The following TOX3 variants were observed in gnomAD, a reference collection of about 807,000 sequenced individuals.
TOX3 encodes TOX high mobility group box family member 3, also known as CAG trinucleotide repeat-containing gene F9 protein.
In TOX3, 22 loss-of-function variants were observed where a neutral mutation model predicts 64.3. The ratio of observed to expected loss-of-function variants is 0.34; its 90% CI spans 0.24 to 0.49. The LOEUF is 0.49. Ranked by LOEUF, TOX3 falls within the 20% of genes least tolerant of loss-of-function variation. The pLI, the probability that TOX3 is intolerant of heterozygous loss-of-function variation, is 0.99. For missense variants in TOX3, 661 were observed against 714.4 expected (o/e 0.93, Z 0.85); for synonymous variants, 291 against 273.6 (o/e 1.06, Z -0.63).
chr16:52,489,988 A>T (rs955950256), intron 1 of TOX3, among the ~76,000 whole-genome samples: 8 of 152,132 alleles, frequency 5.3e-5, no homozygotes, highest in African/African-American at 1.9e-4. Flanking sequence ...CTGCACCTGG[A>T]GTTACCCTTT....
In TOX3 at chr16:52,437,673, AAGAATT is replaced by A. The variant is rs2151735087; in HGVS notation, c.*1546_*1551del. ...GGCACCGAAATAATTATTTTGGCTT[AAGAATT>A]AGCATTCACCATCTATTTTAATCGC... On this transcript the variant is annotated 3_prime_UTR_variant, in exon 7 of 7. Transcript: ENST00000219746. 6.6e-6 allele frequency among the ~76,000 whole-genome samples: 1 copy of A among 152,186 alleles called. No homozygotes were observed. The highest frequency in any genetic ancestry group is 2.1e-4 in the South Asian group (1 of 4,826).
At chr16:52,546,527 G>T in intron 1 of TOX3, 110 bp downstream of exon 1, 1 of 955,594 alleles carries the variant, frequency 1.0e-6, no homozygotes, top group East Asian at 3.0e-5. Context: ...AAGAGACATG[G>T]GAGGAAAGAG....
At chr16:52,525,326 G>C (rs1307547496) in intron 1 of TOX3, among the ~76,000 whole-genome samples, 1 of 152,126 alleles carries the variant, frequency 6.6e-6, no homozygotes, top group Non-Finnish European at 1.5e-5. Context: ...AAAGGGAATG[G>C]AAGAAAACCT....
chr16:52,542,819 C>T (rs1228045818), intron 1 of TOX3, among the ~76,000 whole-genome samples: 1 of 152,172 alleles, frequency 6.6e-6, no homozygotes, highest in Admixed American at 6.5e-5. Context: ...TCAATTTGAA[C>T]CATGATCCCC....
chr16:52,515,975 G>GTGTA (rs1338120500), intron 1 of TOX3, among the ~76,000 whole-genome samples: 2 of 151,772 alleles, frequency 1.3e-5, no homozygotes, highest in African/African-American at 4.8e-5. Flanking sequence ...GCTTGTGTGT[G>GTGTA]TGTGTGTGTG....
At chr16:52,444,200 G>T in intron 6 of TOX3, 76 bp downstream of exon 6, 1 of 1,136,908 alleles carries the variant, frequency 8.8e-7, no homozygotes, top group Non-Finnish European at 1.2e-6. Flanking sequence ...GGAGCTACAA[G>T]TATGTTTTCA....
At position 52,485,246 on chromosome 16, in the gene TOX3, G is replaced by GTATATATATATA. The variant is rs34195222; in HGVS notation, c.88-16684_88-16673dup. Among the ~76,000 whole-genome samples, 334 of 127,818 alleles carry GTATATATATATA rather than the reference G, an allele frequency of 2.6e-3. 1 individual carries two copies. The highest frequency in any genetic ancestry group is 7.8e-3 in the African/African-American group (233 of 29,758). The allele number at this position is 127,818 out of a possible 152,430, so 83.9% of individuals were successfully genotyped here. On this transcript the variant is annotated intron_variant, in intron 1 of 6. Transcript: ENST00000219746. ...CATGTGTGTGTGTGTATGTGTGTGTGTATATATATATATATATATATATAT... is the reference window on the plus strand; with the variant it reads ...CATGTGTGTGTGTGTATGTGTGTGTGTATATATATATATATATATATATATATATATATATAT...
chr16:52,477,381 T>G (rs1054095634), intron 1 of TOX3, among the ~76,000 whole-genome samples: 1 of 151,984 alleles, frequency 6.6e-6, no homozygotes, highest in African/African-American at 2.4e-5. Context: ...GAGAGAGAGA[T>G]GTAAAGCCCA....
intron 3 of TOX3, among the ~76,000 whole-genome samples, chr16:52,453,027 T>C (rs1203803842): frequency 6.6e-6 from 1 of 152,186 alleles, no homozygotes; most frequent in Admixed American, 6.5e-5. Context: ...TCTACCACAT[T>C]TGCTCATTTC....
intron 1 of TOX3, among the ~76,000 whole-genome samples, chr16:52,479,615 G>C (rs770244631): frequency 3.3e-5 from 5 of 152,202 alleles, no homozygotes; most frequent in Admixed American, 6.5e-5. Flanking sequence ...TGGTTTTTGT[G>C]AGAATCACTG....
intron 5 of TOX3, 112 bp downstream of exon 5, chr16:52,445,882 T>G (rs1960147261): frequency 3.0e-6 from 3 of 1,000,834 alleles, no homozygotes; most frequent in Non-Finnish European, 4.4e-6. Context: ...TAGAAAAGGA[T>G]TTCAAAAGAA....
intron 1 of TOX3, among the ~76,000 whole-genome samples, chr16:52,498,835 C>T (rs962518295): frequency 6.6e-6 from 1 of 152,206 alleles, no homozygotes; most frequent in African/African-American, 2.4e-5. Context: ...CAAGCACACC[C>T]TGCGCCATCG....
chr16:52,484,456 A>G (rs4784218), intron 1 of TOX3, among the ~76,000 whole-genome samples: 20,813 of 152,162 alleles, frequency 0.14, 1,574 homozygotes, highest in East Asian at 0.34. Flanking sequence ...ATTTATTTAT[A>G]ATGAAACTGC....
intron 2 of TOX3, among the ~76,000 whole-genome samples, chr16:52,467,592 CTTTATA>C (rs887727201): frequency 5.9e-4 from 90 of 152,262 alleles, no homozygotes; most frequent in African/African-American, 2.1e-3. Context: ...AAAATGAGGA[CTTTATA>C]TTACATGAAC....
intron 1 of TOX3, among the ~76,000 whole-genome samples, chr16:52,513,554 G>A (rs779943070): frequency 2.0e-5 from 3 of 152,132 alleles, no homozygotes; most frequent in Non-Finnish European, 4.4e-5. Context: ...TCCTAACAGC[G>A]TACCTACAAT....
At chr16:52,519,393 G>T in intron 1 of TOX3, 1 of 1,551,124 alleles carries the variant, frequency 6.4e-7, no homozygotes, top group East Asian at 2.4e-5. Context: ...CTCACCAGAA[G>T]ATTAGGTCTT....
chr16:52,483,550 G>C lies in TOX3; in HGVS notation c.88-14976C>G, dbSNP rs112110926. 3.1e-4 allele frequency among the ~76,000 whole-genome samples: 46 copies of C among 146,936 alleles called. 1 individual carries two copies. The highest frequency in any genetic ancestry group is 1.1e-3 in the African/African-American group (46 of 40,096). On this transcript the variant is annotated intron_variant, in intron 1 of 6. Transcript: ENST00000219746. ...AATGGTAAAGTTGCTTCCTCTATTA[G>C]ACAGGGCAGTTTGGTTTTTTTTTTT...
intron 1 of TOX3, among the ~76,000 whole-genome samples, chr16:52,545,808 GCTGCGACTCTCGCCCGCC>G: frequency 6.6e-6 from 1 of 152,224 alleles, no homozygotes; most frequent in East Asian, 1.9e-4. Flanking sequence ...GGGTACCAGG[GCTGCGACTCTCGCCCGCC>G]TCGCTGCTCC....
chr16:52,470,040 T>C (rs944406920), intron 1 of TOX3, among the ~76,000 whole-genome samples: 4 of 152,218 alleles, frequency 2.6e-5, no homozygotes, highest in Admixed American at 2.0e-4. Flanking sequence ...GAAAGATGAA[T>C]TGGCGCTTAA....
Sources: allele counts gnomAD v4.1 joint callset (sites outside exome capture counted in the v4.1 genomes callset), GRCh38; gene constraint gnomAD v4.1.1; transcripts MANE v1.5; gene names NCBI Gene and HGNC (gene_info 2026-07-23, HGNC 2026-07-21).